Variants in PITPNM3 observed in about 807,000 individuals in gnomAD.
PITPNM3 encodes the protein membrane-associated phosphatidylinositol transfer protein 3.
PITPNM3 carries 26 observed loss-of-function variants against 102.0 expected under a neutral mutation model. That is an observed-to-expected ratio of 0.25 (90% confidence interval 0.19 to 0.35). The LOEUF is 0.35. Among genes scored for constraint, PITPNM3 ranks in the 10% least tolerant of loss-of-function variants. The pLI is 1.00. For missense variants in PITPNM3, 1,083 were observed against 1,346.1 expected (o/e 0.80, Z 3.06); for synonymous variants, 578 against 558.6 (o/e 1.03, Z -0.49).
Position 6,472,620 on chromosome 17 carries a change from C to G in PITPNM3, c.1429+37G>C. On this transcript the variant is annotated intron_variant, in intron 11 of 19. Coordinates refer to ENST00000262483, the MANE Select transcript of PITPNM3 (RefSeq NM_031220.4). This position sits in a 1 kb window ranked among gnomAD's most constrained non-coding sequence, Gnocchi z 4.1. ...GTTGAATGGGCTGGGGCCCCACCTC[C>G]AGCTCAGCACACTCTCTCCCACCCC... 5 of 1,597,732 alleles carry G rather than the reference C, an allele frequency of 3.1e-6. No individual in the cohort carries two copies. Among genetic ancestry groups the G allele is most frequent in the Non-Finnish European group, 4.3e-6 (5 of 1,173,112 alleles).
intron 1 of PITPNM3, among the ~76,000 whole-genome samples, chr17:6,539,900 G>A (rs184381680): frequency 6.6e-6 from 1 of 152,354 alleles, no homozygotes. Flanking sequence ...TAGATAGTAA[G>A]AAGCAAGAGT....
intron 6 of PITPNM3, among the ~76,000 whole-genome samples, chr17:6,482,122 GA>G (rs1215658409): frequency 6.9e-6 from 1 of 145,544 alleles, no homozygotes; most frequent in Non-Finnish European, 1.5e-5. Flanking sequence ...TGGCTGTGAA[GA>G]AATTCTCTGA....
intron 3 of PITPNM3, among the ~76,000 whole-genome samples, chr17:6,520,453 T>G (rs1299970432): frequency 2.0e-5 from 3 of 151,972 alleles, no homozygotes; most frequent in African/African-American, 7.3e-5. Flanking sequence ...GAGAACAGAG[T>G]GAATCTATAT....
intron 4 of PITPNM3, among the ~76,000 whole-genome samples, chr17:6,491,709 A>T (rs1906496149): frequency 6.6e-6 from 1 of 151,804 alleles, no homozygotes; most frequent in South Asian, 2.1e-4. Context: ...GAAAAATGAC[A>T]ATCTAAATAA....
At chr17:6,540,316 A>C (rs1027316750) in intron 1 of PITPNM3, among the ~76,000 whole-genome samples, 3 of 152,224 alleles carry the variant, frequency 2.0e-5, no homozygotes, top group African/African-American at 7.2e-5. Context: ...AGCCAGCCTC[A>C]GTCAAATAAA....
chr17:6,488,629 C>T (rs754353751), intron 4 of PITPNM3, among the ~76,000 whole-genome samples: 5 of 152,156 alleles, frequency 3.3e-5, no homozygotes, highest in Non-Finnish European at 7.3e-5. Flanking sequence ...CTGAGAAGCA[C>T]GTTGCTTCAA....
At chr17:6,546,686 A>G (rs765074735) in intron 1 of PITPNM3, among the ~76,000 whole-genome samples, 1 of 152,228 alleles carries the variant, frequency 6.6e-6, no homozygotes, top group Non-Finnish European at 1.5e-5. Flanking sequence ...CTTGTATCAA[A>G]TAACTTGAAG....
chr17:6,491,123 A>AGGGGAGGCGAGGGGG (rs1906455314), intron 4 of PITPNM3, among the ~76,000 whole-genome samples: 1 of 25,338 alleles, frequency 3.9e-5, no homozygotes, highest in African/African-American at 1.7e-4. Flanking sequence ...AGGCGAGGGG[A>AGGGGAGGCGAGGGGG]GGGGAGGGGA....
At chr17:6,491,614 A>T (rs2150592264) in intron 4 of PITPNM3, among the ~76,000 whole-genome samples, 1 of 152,102 alleles carries the variant, frequency 6.6e-6, no homozygotes, top group African/African-American at 2.4e-5. Flanking sequence ...AGAGACTGAA[A>T]CTTAAAAGCC....
chr17:6,481,512 T>C (rs553820372), intron 6 of PITPNM3: 1 of 152,200 alleles, frequency 6.6e-6, no homozygotes, highest in African/African-American at 2.4e-5. Flanking sequence ...TTGTACAGAT[T>C]AGGAAATTGA....
At chr17:6,503,477 G>T in intron 4 of PITPNM3, 50 bp downstream of exon 4, 1 of 1,587,184 alleles carries the variant, frequency 6.3e-7, no homozygotes, top group Non-Finnish European at 8.6e-7. Context: ...CAATGAGCTT[G>T]CACCCATCCA....
intron 9 of PITPNM3, 99 bp downstream of exon 9, chr17:6,476,930 A>G (rs191478486): frequency 1.3e-5 from 19 of 1,422,816 alleles, no homozygotes; most frequent in Non-Finnish European, 1.3e-5. Flanking sequence ...GTGCTTATCT[A>G]TGGGCCCCCA....
intron 1 of PITPNM3, among the ~76,000 whole-genome samples, chr17:6,550,956 C>T (rs1910270154): frequency 6.6e-6 from 1 of 152,190 alleles, no homozygotes; most frequent in South Asian, 2.1e-4. Context: ...TGGGACCTGC[C>T]AGGTCTGCTG....
chr17:6,537,881 A>G lies in PITPNM3; in HGVS notation c.118+106T>C. On this transcript the variant is annotated intron_variant, in intron 2 of 19. Transcript: ENST00000262483. This position sits in a 1 kb window ranked among gnomAD's most constrained non-coding sequence, Gnocchi z 4.4. ...GTAAGTATGGAGTGTGGAGCTGCAG[A>G]TACCACGTCTGAGTGGGGAGGGATG... 1.1e-6 allele frequency: 1 copy of G among 921,328 alleles called. No individual in the cohort carries two copies. The highest frequency in any genetic ancestry group is 1.4e-5 in the South Asian group (1 of 71,544). The allele number at this position is 921,328 out of a possible 1,614,324, so 57.1% of individuals were successfully genotyped here.
intron 3 of PITPNM3, among the ~76,000 whole-genome samples, chr17:6,515,373 G>A (rs1454141763): frequency 2.8e-5 from 4 of 144,664 alleles, no homozygotes; most frequent in South Asian, 4.4e-4. Context: ...ACTCCAGCCC[G>A]GGCAACAGAG....
intron 16 of PITPNM3, 53 bp from the exon 17 acceptor site, chr17:6,463,934 G>A (rs1169338064): frequency 1.7e-5 from 27 of 1,604,652 alleles, no homozygotes; most frequent in Middle Eastern, 3.3e-4. Context: ...GACGTTAGCC[G>A]GAATCCAGAG....
chr17:6,537,875 C>T lies in PITPNM3; in HGVS notation c.118+112G>A. The T allele has an allele frequency of 3.5e-6, 3 of 868,282 alleles. No homozygotes were observed. The highest frequency in any genetic ancestry group is 5.7e-6 in the Non-Finnish European group (3 of 523,474). The allele number at this position is 868,282 out of a possible 1,614,324, so 53.8% of individuals were successfully genotyped here. A position where few individuals can be genotyped will look rare whatever the true frequency, so the allele number is the denominator to read the frequency against. On this transcript the variant is annotated intron_variant, in intron 2 of 19. Coordinates refer to ENST00000262483, the MANE Select transcript of PITPNM3 (RefSeq NM_031220.4). The surrounding 1 kb of genome is among the most constrained non-coding windows in gnomAD (Gnocchi z 4.4). Reference sequence around the variant, plus strand: ...GGATGGGTAAGTATGGAGTGTGGAGCTGCAGATACCACGTCTGAGTGGGGA... The same window carrying T: ...GGATGGGTAAGTATGGAGTGTGGAGTTGCAGATACCACGTCTGAGTGGGGA...
intron 4 of PITPNM3, among the ~76,000 whole-genome samples, chr17:6,502,494 C>A (rs900525761): frequency 2.0e-5 from 3 of 152,120 alleles, no homozygotes; most frequent in African/African-American, 7.2e-5. Context: ...GCAGGGGATG[C>A]CTGTGCAGCC....
At chr17:6,503,658 C>T in intron 3 of PITPNM3, 84 bp from the exon 4 acceptor site, 1 of 1,361,208 alleles carries the variant, frequency 7.3e-7, no homozygotes, top group African/African-American at 1.4e-5. Flanking sequence ...CTTGGAGCTG[C>T]CTCTGACCCT....
Sources: allele counts gnomAD v4.1 joint callset (sites outside exome capture counted in the v4.1 genomes callset), GRCh38; gene constraint gnomAD v4.1.1; non-coding constraint Gnocchi (gnomAD v3.1); transcripts MANE v1.5; gene names NCBI Gene and HGNC (gene_info 2026-07-23, HGNC 2026-07-21).